Variants in CSMD1 observed in about 807,000 individuals in gnomAD.
CSMD1 encodes the protein CUB and sushi domain-containing protein 1.
In CSMD1, 213 loss-of-function variants were observed where a neutral mutation model predicts 417.5. That is an observed-to-expected ratio of 0.51 (90% CI 0.46 to 0.57). The LOEUF (loss-of-function observed/expected upper bound fraction) is 0.57. Ranked by LOEUF, CSMD1 falls within the 20% of genes least tolerant of loss-of-function variation. The pLI is 0.00. For missense variants in CSMD1, 6,923 were observed against 4,529.7 expected (o/e 1.53, Z -15.17); for synonymous variants, 2,862 against 1,736.8 (o/e 1.65, Z -16.11).
intron 3 of CSMD1, among the ~76,000 whole-genome samples, chr8:4,135,401 A>AGGGG (rs1383058812): frequency 0.021 from 770 of 37,102 alleles, 31 homozygotes; most frequent in Admixed American, 0.03. Context: ...GGAAGGGGAA[A>AGGGG]GAGGGAAAGA....
chr8:3,296,764 C>G (rs1357995220), intron 25 of CSMD1, among the ~76,000 whole-genome samples: 3 of 152,052 alleles, frequency 2.0e-5, no homozygotes, highest in South Asian at 2.1e-4. Flanking sequence ...CCCTCAGAAA[C>G]TGGAAAAGTG....
rs768340884 is a variant in CSMD1, at chr8:3,118,535, C to A, written c.6294G>T (p.Met2098Ile). The part of the protein sequence containing the change: ...PDPPPFQNGY[M>I]INSDYSVGQS... Reference sequence around the variant, plus strand: ...GCCCCACGCTGTAATCCGAGTTGATCATGTACCCATTCTGAAATGGGGGTG... The same window carrying A: ...GCCCCACGCTGTAATCCGAGTTGATAATGTACCCATTCTGAAATGGGGGTG... The change falls in exon 42 of 70, where the codon ATG (methionine) becomes ATT (isoleucine). Residue 2098 changes from methionine to isoleucine, a missense_variant. Met to Ile is a conservative substitution (Grantham distance 10). Transcript: ENST00000635120. The A allele has an allele frequency of 6.2e-7, 1 of 1,613,938 alleles. No homozygotes were observed. Among genetic ancestry groups the A allele is most frequent in the South Asian group, 1.1e-5 (1 of 91,086 alleles).
chr8:4,186,832 C>G, intron 3 of CSMD1, among the ~76,000 whole-genome samples: 1 of 41,684 alleles, frequency 2.4e-5, no homozygotes, highest in Non-Finnish European at 5.5e-5. Context: ...ACTAAAAATA[C>G]AGAAAAAAAA....
At chr8:3,658,212 C>A (rs890573017) in intron 7 of CSMD1, among the ~76,000 whole-genome samples, 1 of 151,972 alleles carries the variant, frequency 6.6e-6, no homozygotes, top group East Asian at 1.9e-4. Flanking sequence ...AAATATGACT[C>A]TCAATGTAAA....
At chr8:3,317,654 C>A (rs147054251) in intron 23 of CSMD1, among the ~76,000 whole-genome samples, 1 of 152,288 alleles carries the variant, frequency 6.6e-6, no homozygotes, top group Non-Finnish European at 1.5e-5. Flanking sequence ...TCAGGTAGAA[C>A]CAGCCTACAG....
intron 5 of CSMD1, among the ~76,000 whole-genome samples, chr8:3,900,964 G>C (rs1807710403): frequency 6.6e-6 from 1 of 152,218 alleles, no homozygotes; most frequent in Non-Finnish European, 1.5e-5. Flanking sequence ...GGACAGAACA[G>C]AGCCTGAAAC....
At chr8:4,733,238 C>G (rs1349119359) in intron 1 of CSMD1, among the ~76,000 whole-genome samples, 2 of 152,094 alleles carry the variant, frequency 1.3e-5, no homozygotes, top group Non-Finnish European at 2.9e-5. Context: ...AGTTCATTTC[C>G]TGAACCCTAG....
chr8:4,170,044 A>G (rs1448023873), intron 3 of CSMD1, among the ~76,000 whole-genome samples: 3 of 151,882 alleles, frequency 2.0e-5, no homozygotes, highest in East Asian at 3.8e-4. Flanking sequence ...AATTATTTGA[A>G]TACTCAAAAC....
At chr8:4,281,204 T>C (rs998502120) in intron 3 of CSMD1, among the ~76,000 whole-genome samples, 9 of 152,122 alleles carry the variant, frequency 5.9e-5, no homozygotes, top group Admixed American at 2.0e-4. Flanking sequence ...CCTGGAAATA[T>C]AAAAGTGGAA....
At chr8:4,242,076 C>A (rs182524030) in intron 3 of CSMD1, among the ~76,000 whole-genome samples, 1 of 152,092 alleles carries the variant, frequency 6.6e-6, no homozygotes, top group African/African-American at 2.4e-5. Flanking sequence ...ACCTTTATCA[C>A]CAGGCAGAAT....
chr8:3,929,821 C>G lies in CSMD1; in HGVS notation c.818+68082G>C, dbSNP rs912266122. Among the ~76,000 whole-genome samples the G allele has an allele frequency of 1.1e-4, 17 of 149,472 alleles. 1 individual carries two copies. The highest frequency in any genetic ancestry group is 4.2e-4 in the African/African-American group (17 of 40,370). ...GGACTACAGGCACATGCCACCATGC[C>G]TGGCTAATTTTTGTGTTTTTAGTAG... On this transcript the variant is annotated intron_variant, in intron 5 of 69. Transcript: ENST00000635120.
intron 1 of CSMD1, among the ~76,000 whole-genome samples, chr8:4,899,641 G>C (rs150557344): frequency 1.7e-3 from 265 of 152,244 alleles, no homozygotes; most frequent in Admixed American, 2.7e-3. Context: ...TTTGTCTGTA[G>C]TTTTGCAAAA....
Position 3,223,799 on chromosome 8 carries a change from G to T in CSMD1, c.4414C>A (p.Pro1472Thr). The T allele has an allele frequency of 6.2e-7, 1 of 1,613,880 alleles. No individual in the cohort carries two copies. Among genetic ancestry groups the T allele is most frequent in the Non-Finnish European group, 8.5e-7 (1 of 1,179,820 alleles). Residue 1472 changes from proline (P) to threonine (T), a missense_variant, in exon 28 of 70, where the codon CCT becomes ACT. Pro to Thr is a conservative substitution (Grantham distance 38). Coordinates refer to ENST00000635120, the MANE Select transcript of CSMD1 (RefSeq NM_033225.6). Reference sequence around the variant, plus strand: ...CTCCAGTCACATTCCTTCCCAGGAGGATACGGCTGTGGGTAGTTGGGTGAC... The same window carrying T: ...CTCCAGTCACATTCCTTCCCAGGAGTATACGGCTGTGGGTAGTTGGGTGAC... The part of the protein sequence containing the change: ...ILSPNYPQPY[P>T]PGKECDWRVK...
intron 1 of CSMD1, among the ~76,000 whole-genome samples, chr8:4,910,515 C>T (rs1805590527): frequency 6.6e-6 from 1 of 152,146 alleles, no homozygotes; most frequent in Non-Finnish European, 1.5e-5. Flanking sequence ...GCTGTGTTTT[C>T]CCATGGTAAA....
chr8:3,213,169 C>T (rs1474504972), intron 30 of CSMD1, among the ~76,000 whole-genome samples: 1 of 152,086 alleles, frequency 6.6e-6, no homozygotes, highest in Non-Finnish European at 1.5e-5. Flanking sequence ...CCTGAAGCTG[C>T]CAGTAGCATT....
chr8:3,478,135 T>C (rs1298658090), intron 11 of CSMD1, among the ~76,000 whole-genome samples: 2 of 152,216 alleles, frequency 1.3e-5, no homozygotes, highest in Admixed American at 1.3e-4. Context: ...TGGCAGACTT[T>C]ATTTACTGTG....
At chr8:4,425,018 T>C (rs1797464325) in intron 2 of CSMD1, among the ~76,000 whole-genome samples, 4 of 152,084 alleles carry the variant, frequency 2.6e-5, no homozygotes, top group East Asian at 1.9e-4. Flanking sequence ...AAACATTAAA[T>C]TCTAAAAGTA....
intron 3 of CSMD1, among the ~76,000 whole-genome samples, chr8:4,053,605 C>G (rs1798545044): frequency 1.3e-5 from 2 of 152,126 alleles, no homozygotes; most frequent in South Asian, 2.1e-4. Flanking sequence ...CCTCTGATCT[C>G]CTTTCTATTA....
chr8:4,635,284 A>C (rs909847148), intron 2 of CSMD1, among the ~76,000 whole-genome samples: 1 of 152,188 alleles, frequency 6.6e-6, no homozygotes, highest in African/African-American at 2.4e-5. Flanking sequence ...CTGTTCACTC[A>C]AACTCCAAAA....
Sources: allele counts gnomAD v4.1 joint callset (sites outside exome capture counted in the v4.1 genomes callset), GRCh38; gene constraint gnomAD v4.1.1; transcripts MANE v1.5; gene names NCBI Gene and HGNC (gene_info 2026-07-23, HGNC 2026-07-21).